Variants in CTNNA3 observed in about 807,000 individuals in gnomAD.
CTNNA3 encodes catenin alpha-3.
Under a neutral mutation model 95.7 loss-of-function variants are expected in CTNNA3, and 76 were observed. The ratio of observed to expected loss-of-function variants is 0.79; its 90% CI spans 0.66 to 0.96. CTNNA3 has a LOEUF of 0.96. Among genes scored for constraint, CTNNA3 ranks in the 40% least tolerant of loss-of-function variants. The pLI, the probability that CTNNA3 is intolerant of heterozygous loss-of-function variation, is 0.00. For synonymous variants in CTNNA3, 431 were observed against 374.4 expected (o/e 1.15, Z -1.74); for missense variants, 1,191 against 1,089.8 (o/e 1.09, Z -1.31).
intron 1 of CTNNA3, among the ~76,000 whole-genome samples, chr10:67,708,128 G>A (rs1221682910): frequency 2.0e-5 from 3 of 152,064 alleles, no homozygotes; most frequent in Non-Finnish European, 4.4e-5. Flanking sequence ...AATAATAGAA[G>A]GGCTAAAATG....
chr10:67,742,508 G>A (rs1026116814), intron 1 of CTNNA3, among the ~76,000 whole-genome samples: 7 of 150,750 alleles, frequency 4.6e-5, no homozygotes, highest in African/African-American at 1.5e-4. Context: ...GGCAGTGTGT[G>A]GAGGGAAATT....
chr10:66,598,307 C>G (rs542062512), intron 10 of CTNNA3, among the ~76,000 whole-genome samples: 2 of 151,998 alleles, frequency 1.3e-5, no homozygotes, highest in Admixed American at 6.6e-5. Flanking sequence ...TAACATCACA[C>G]TCAATGATGA....
intron 17 of CTNNA3, among the ~76,000 whole-genome samples, chr10:65,942,589 G>C (rs1422901988): frequency 1.3e-5 from 2 of 152,106 alleles, no homozygotes; most frequent in Admixed American, 6.6e-5. Context: ...TATTTTCATT[G>C]CCTCTTTTCT....
At chr10:66,095,662 A>G (rs189871427) in intron 14 of CTNNA3, among the ~76,000 whole-genome samples, 103 of 152,176 alleles carry the variant, frequency 6.8e-4, no homozygotes, top group Admixed American at 1.2e-3. Flanking sequence ...AGCAAAAGTG[A>G]GGCAGTTTTT....
At chr10:66,429,800 T>C (rs1212863243) in intron 11 of CTNNA3, among the ~76,000 whole-genome samples, 4 of 152,226 alleles carry the variant, frequency 2.6e-5, no homozygotes, top group Admixed American at 2.6e-4. Flanking sequence ...AATATCATAC[T>C]GAATGGGCAA....
chr10:67,459,175 G>T (rs936728611), intron 5 of CTNNA3, among the ~76,000 whole-genome samples: 1 of 152,116 alleles, frequency 6.6e-6, no homozygotes, highest in Non-Finnish European at 1.5e-5. Context: ...CACTGTCCTT[G>T]CTCTAATACA....
At chr10:67,323,962 T>C (rs1358705328) in intron 5 of CTNNA3, among the ~76,000 whole-genome samples, 1 of 152,146 alleles carries the variant, frequency 6.6e-6, no homozygotes, top group Non-Finnish European at 1.5e-5. Context: ...ATTTTACCTT[T>C]TTTGTGTGTG....
chr10:67,222,741 A>G (rs1245971619), intron 5 of CTNNA3, among the ~76,000 whole-genome samples: 1 of 152,234 alleles, frequency 6.6e-6, no homozygotes, highest in South Asian at 2.1e-4. Flanking sequence ...AAATTCTCTG[A>G]TATTACTGTA....
intron 6 of CTNNA3, among the ~76,000 whole-genome samples, chr10:67,182,188 T>A (rs1862586260): frequency 6.6e-6 from 1 of 152,170 alleles, no homozygotes; most frequent in African/African-American, 2.4e-5. Flanking sequence ...TGGAAAAAAC[T>A]ACTTTAAAGT....
intron 13 of CTNNA3, among the ~76,000 whole-genome samples, chr10:66,116,340 A>G: frequency 6.6e-6 from 1 of 152,296 alleles, no homozygotes; most frequent in East Asian, 1.9e-4. Flanking sequence ...TAAATATTAA[A>G]TATATACACA....
intron 1 of CTNNA3, among the ~76,000 whole-genome samples, chr10:67,726,613 T>TATATATTATATTATATATAATATATA (rs1841228189): frequency 1.3e-5 from 1 of 78,332 alleles, no homozygotes; most frequent in African/African-American, 5.4e-5. Context: ...TATTATATAA[T>TATATATTATATTATATATAATATATA]ATATAATATA....
At chr10:66,646,982 T>C (rs2132398972) in intron 9 of CTNNA3, among the ~76,000 whole-genome samples, 1 of 150,694 alleles carries the variant, frequency 6.6e-6, no homozygotes, top group South Asian at 2.1e-4. Context: ...GTTTGAAGGC[T>C]ATCAATAATA....
At chr10:66,815,662 A>G (rs1842049994) in intron 7 of CTNNA3, among the ~76,000 whole-genome samples, 2 of 152,192 alleles carry the variant, frequency 1.3e-5, no homozygotes, top group African/African-American at 2.4e-5. Flanking sequence ...GGCAAAAAAA[A>G]GGCAATCCAA....
At chr10:67,259,903 T>TA (rs1488673717) in intron 5 of CTNNA3, among the ~76,000 whole-genome samples, 1 of 152,182 alleles carries the variant, frequency 6.6e-6, no homozygotes, top group African/African-American at 2.4e-5. Context: ...ACACCTCCTC[T>TA]ACTGTTCTGC....
rs141346314 is a variant in CTNNA3 at position 66,673,449 on chromosome 10, G to A, written c.1282-51665C>T. On this transcript the variant is annotated intron_variant, in intron 9 of 17. Coordinates refer to ENST00000433211, the MANE Select transcript of CTNNA3 (RefSeq NM_013266.4). ...GTTATGTTTCCAAACAAAAGAAATCGTCTACATTACAACATTGTAAAAGTA... is the reference window on the plus strand; with the variant it reads ...GTTATGTTTCCAAACAAAAGAAATCATCTACATTACAACATTGTAAAAGTA... 6.2e-3 allele frequency among the ~76,000 whole-genome samples: 938 copies of A among 152,020 alleles called. 10 individuals carry two copies. The highest frequency in any genetic ancestry group is 0.016 in the African/African-American group (681 of 41,504).
chr10:67,652,249 C>A (rs1839897782), intron 1 of CTNNA3, among the ~76,000 whole-genome samples: 1 of 152,208 alleles, frequency 6.6e-6, no homozygotes, highest in Admixed American at 6.5e-5. Flanking sequence ...AATATCATCA[C>A]CCTGGGAGTT....
At chr10:66,410,681 A>G (rs975428336) in intron 11 of CTNNA3, among the ~76,000 whole-genome samples, 3 of 152,198 alleles carry the variant, frequency 2.0e-5, no homozygotes, top group Non-Finnish European at 2.9e-5. Context: ...CCTGCCTTCT[A>G]GAATAATCAT....
In CTNNA3 at chr10:67,553,907, C is replaced by T. The variant is rs144003976; in HGVS notation, c.293-14238G>A. Among the ~76,000 whole-genome samples the T allele has an allele frequency of 7.2e-3, 1,091 of 152,200 alleles. 12 individuals are homozygous for T. The highest frequency in any genetic ancestry group is 0.025 in the African/African-American group (1,045 of 41,520). On this transcript the variant is annotated intron_variant, in intron 3 of 17. Transcript: ENST00000433211. The stretch of plus-strand genomic sequence containing the variant: ...TATATCTCCTAATGCTATCCCTCCC[C>T]GTTCCCCCAACCCCACGACAGGCCC...
chr10:65,975,061 A>G (rs1447491998), intron 16 of CTNNA3, among the ~76,000 whole-genome samples: 1 of 152,132 alleles, frequency 6.6e-6, no homozygotes, highest in Admixed American at 6.6e-5. Context: ...ATCGTCTTAT[A>G]TTTTTTAAAT....
Sources: allele counts gnomAD v4.1 joint callset (sites outside exome capture counted in the v4.1 genomes callset), GRCh38; gene constraint gnomAD v4.1.1; transcripts MANE v1.5; gene names NCBI Gene and HGNC (gene_info 2026-07-23, HGNC 2026-07-21).